The following TENM3 variants were observed in gnomAD, a reference collection of about 807,000 sequenced individuals.
The protein encoded by TENM3 is teneurin-3.
A neutral mutation model predicts 255.1 loss-of-function variants in TENM3; 63 were observed. That is an observed-to-expected ratio of 0.25 (90% CI 0.20 to 0.30). The LOEUF (loss-of-function observed/expected upper bound fraction) is 0.30. TENM3 is among the 10% of genes least tolerant of loss of function. The pLI is 1.00. For synonymous variants in TENM3, 1,306 were observed against 1,322.3 expected (o/e 0.99, Z 0.27); for missense variants, 2,929 against 3,461.1 (o/e 0.85, Z 3.86).
intron 16 of TENM3, among the ~76,000 whole-genome samples, chr4:182,732,696 A>G (rs2871329): frequency 0.054 from 8,194 of 152,182 alleles, 325 homozygotes; most frequent in African/African-American, 0.12. Flanking sequence ...GCGTGGTGGC[A>G]TGCACCTGTA....
chr4:182,726,951 A>AAGG (rs1760246192), intron 13 of TENM3, among the ~76,000 whole-genome samples: 2 of 152,322 alleles, frequency 1.3e-5, no homozygotes, highest in African/African-American at 4.8e-5. Context: ...TTTTTAAAAA[A>AAGG]AGACTTTATT....
chr4:182,754,795 C>T lies in TENM3; in HGVS notation c.4428C>T (p.Ser1476=). Residue 1476 remains serine (S), a synonymous_variant, in exon 22 of 28, where the codon TCC becomes TCT. Transcript: ENST00000511685. The surrounding 1 kb of genome is among the most constrained non-coding windows in gnomAD (Gnocchi z 5.1). ...AKDAKLSAPS[S]LAASPDGTLY... ...ATGCCAAACTCAGTGCCCCATCCTC[C>T]CTGGCTGCTTCTCCAGATGGTACAC... 6.2e-7 allele frequency: 1 copy of T among 1,614,032 alleles called. No individual in the cohort carries two copies. Among genetic ancestry groups the T allele is most frequent in the Non-Finnish European group, 8.5e-7 (1 of 1,179,896 alleles).
intron 12 of TENM3, among the ~76,000 whole-genome samples, chr4:182,691,446 C>G (rs1757000682): frequency 6.6e-6 from 1 of 152,170 alleles, no homozygotes; most frequent in Non-Finnish European, 1.5e-5. Context: ...ATTAGTCATC[C>G]TACTGTCTTC....
the TENM3 span, among the ~76,000 whole-genome samples, chr4:181,627,487 AC>A: frequency 6.6e-6 from 1 of 151,450 alleles, no homozygotes; most frequent in Non-Finnish European, 1.5e-5. Flanking sequence ...CCTACCCCCT[AC>A]CCCCACCCCA....
chr4:181,929,321 T>C, the TENM3 span, among the ~76,000 whole-genome samples: 1 of 146,790 alleles, frequency 6.8e-6, no homozygotes, highest in African/African-American at 2.5e-5. Flanking sequence ...AAAATAAAGG[T>C]ATGAAGGAAT....
chr4:182,445,503 C>T (rs970255554), intron 3 of TENM3, among the ~76,000 whole-genome samples: 1 of 152,014 alleles, frequency 6.6e-6, no homozygotes, highest in African/African-American at 2.4e-5. Context: ...GGTTACAATT[C>T]GATTTTTCTT....
At chr4:181,978,193 G>C in the TENM3 span, among the ~76,000 whole-genome samples, 2 of 152,144 alleles carry the variant, frequency 1.3e-5, no homozygotes, top group South Asian at 4.1e-4. Context: ...GGGCTGGAAG[G>C]GTCCTGTGGC....
the TENM3 span, chr4:181,906,020 C>T: frequency 2.2e-6 from 1 of 455,676 alleles, no homozygotes. Context: ...TATCTCGTAA[C>T]AGTGACAAGC....
the TENM3 span, among the ~76,000 whole-genome samples, chr4:181,981,902 C>T: frequency 6.6e-6 from 1 of 152,138 alleles, no homozygotes; most frequent in African/African-American, 2.4e-5. Context: ...CAAGTTGGCC[C>T]CGTCATTAGG....
At chr4:182,025,806 T>G in the TENM3 span, among the ~76,000 whole-genome samples, 1 of 152,280 alleles carries the variant, frequency 6.6e-6, no homozygotes, top group South Asian at 2.1e-4. Context: ...TAGGCCTGTT[T>G]GCCATTATAA....
chr4:181,826,285 G>A, the TENM3 span, among the ~76,000 whole-genome samples: 3 of 151,952 alleles, frequency 2.0e-5, no homozygotes, highest in Non-Finnish European at 4.4e-5. Context: ...AGAAAAAGTG[G>A]CCACTAGTTA....
the TENM3 span, among the ~76,000 whole-genome samples, chr4:181,683,534 T>C: frequency 3.3e-5 from 5 of 152,202 alleles, no homozygotes; most frequent in South Asian, 1.0e-3. Flanking sequence ...AATTTGTGCT[T>C]CTATAAGCTC....
At chr4:182,170,625 G>GT (rs67353857) in intron 1 of TENM3, among the ~76,000 whole-genome samples, 114,377 of 151,408 alleles carry the variant, frequency 0.76, 43,528 homozygotes, top group Non-Finnish European at 0.81. Context: ...TCAGGTTTTG[G>GT]TTAATGGTAA....
chr4:181,962,430 C>G, the TENM3 span, among the ~76,000 whole-genome samples: 237 of 152,256 alleles, frequency 1.6e-3, no homozygotes, highest in Non-Finnish European at 2.2e-3. Flanking sequence ...AGGTGCTAAC[C>G]CATTGGTGGT....
chr4:182,435,475 A>G (rs1771975827), intron 3 of TENM3, among the ~76,000 whole-genome samples: 1 of 152,210 alleles, frequency 6.6e-6, no homozygotes, highest in African/African-American at 2.4e-5. Context: ...ATCCTAGCCT[A>G]TAGACCCAAG....
At chr4:182,464,245 A>G (rs886490452) in intron 3 of TENM3, among the ~76,000 whole-genome samples, 1 of 152,110 alleles carries the variant, frequency 6.6e-6, no homozygotes, top group Non-Finnish European at 1.5e-5. Context: ...CAGATTTAAC[A>G]TTAAAAAATT....
Position 182,793,441 on chromosome 4 carries a change from A to G in TENM3, c.6769A>G (p.Thr2257Ala), listed in dbSNP as rs1344161906. Residue 2257 changes from threonine to alanine, a missense_variant, in exon 26 of 28, where the codon ACT becomes GCT. This residue lies in a region of TENM3 where 256 missense variants were observed against 389.3 expected (regional missense o/e 0.66). Coordinates refer to ENST00000511685, the MANE Select transcript of TENM3 (RefSeq NM_001080477.4). The surrounding 1 kb of genome is among the most constrained non-coding windows in gnomAD (Gnocchi z 5.7). The part of the protein sequence containing the change: ...QFFYADLTYP[T>A]RITHVYNHSS... The stretch of plus-strand genomic sequence containing the variant: ...TTTTTATGCTGACTTAACTTATCCC[A>G]CTAGGATTACTCATGTCTACAACCA... The G allele has an allele frequency of 2.5e-6, 4 of 1,613,734 alleles. No individual in the cohort carries two copies. The highest frequency in any genetic ancestry group is 2.7e-5 in the African/African-American group (2 of 74,862).
intron 4 of TENM3, among the ~76,000 whole-genome samples, chr4:182,611,877 T>C (rs143830540): frequency 2.3e-4 from 35 of 152,266 alleles, no homozygotes; most frequent in African/African-American, 7.9e-4. Context: ...GTCAGCAAAA[T>C]TGAACTCTTC....
intron 1 of TENM3, among the ~76,000 whole-genome samples, chr4:182,188,948 T>A (rs1753337135): frequency 6.6e-6 from 1 of 152,142 alleles, no homozygotes; most frequent in African/African-American, 2.4e-5. Context: ...CTGTATAGTA[T>A]AATTGAGAGG....
Sources: allele counts gnomAD v4.1 joint callset (sites outside exome capture counted in the v4.1 genomes callset), GRCh38; gene constraint gnomAD v4.1.1; regional missense constraint gnomAD v4.1.1; non-coding constraint Gnocchi (gnomAD v3.1); transcripts MANE v1.5; gene names NCBI Gene and HGNC (gene_info 2026-07-23, HGNC 2026-07-21).